The following AIM2 variants were observed in gnomAD, a reference collection of about 807,000 sequenced individuals.
AIM2 encodes interferon-inducible protein AIM2.
In AIM2, 30 loss-of-function variants were observed where a neutral mutation model predicts 27.7. The ratio of observed to expected loss-of-function variants is 1.08; its 90% CI spans 0.81 to 1.47. AIM2 has a LOEUF of 1.47. Among genes scored for constraint, AIM2 ranks in the 40% most tolerant of loss-of-function variants. The pLI, the probability that AIM2 is intolerant of heterozygous loss-of-function variation, is 0.00. For synonymous variants in AIM2, 141 were observed against 145.3 expected (o/e 0.97, Z 0.21); for missense variants, 358 against 411.3 (o/e 0.87, Z 1.12).
intron 1 of AIM2, among the ~76,000 whole-genome samples, chr1:159,129,342 T>A (rs951313976): frequency 6.6e-6 from 1 of 152,194 alleles, no homozygotes; most frequent in African/African-American, 2.4e-5. Flanking sequence ...TTTGGGGAAA[T>A]TTGTTATGGC....
At chr1:159,057,825 A>ATT (rs1655710203), downstream of AIM2, among the ~76,000 whole-genome samples, 1 of 152,236 alleles carries the variant, frequency 6.6e-6, no homozygotes, top group Non-Finnish European at 1.5e-5. Flanking sequence ...TGTTTGCAAA[A>ATT]TAGATTGTAG....
At chr1:159,070,132 G>A (rs570014605) in intron 2 of AIM2, among the ~76,000 whole-genome samples, 7 of 152,176 alleles carry the variant, frequency 4.6e-5, no homozygotes, top group Non-Finnish European at 8.8e-5. Context: ...TTTGACACAT[G>A]CTGCTGAAGA....
intron 1 of AIM2, among the ~76,000 whole-genome samples, chr1:159,074,391 T>C (rs996503383): frequency 6.6e-6 from 1 of 152,218 alleles, no homozygotes; most frequent in Non-Finnish European, 1.5e-5. Flanking sequence ...TTCATTTATT[T>C]TTCATATGAA....
At chr1:159,104,226 A>T (rs980584699) in intron 1 of AIM2, among the ~76,000 whole-genome samples, 1 of 152,124 alleles carries the variant, frequency 6.6e-6, no homozygotes, top group Non-Finnish European at 1.5e-5. Context: ...GGGCAGAGCC[A>T]CGGTGACAAG....
intron 1 of AIM2, among the ~76,000 whole-genome samples, chr1:159,094,210 A>G (rs1657118948): frequency 6.6e-6 from 1 of 152,210 alleles, no homozygotes; most frequent in Admixed American, 6.5e-5. Flanking sequence ...ATAACACTCT[A>G]TTAGGTTGGT....
intron 1 of AIM2, among the ~76,000 whole-genome samples, chr1:159,106,154 C>T (rs1237811968): frequency 1.3e-5 from 2 of 152,158 alleles, no homozygotes; most frequent in Non-Finnish European, 2.9e-5. Context: ...GGCTTCCAAA[C>T]CCCCAAGAGC....
chr1:159,129,834 C>T (rs1341857760), intron 1 of AIM2, among the ~76,000 whole-genome samples: 1 of 152,202 alleles, frequency 6.6e-6, no homozygotes, highest in Non-Finnish European at 1.5e-5. Flanking sequence ...ACATTCACTA[C>T]CATTCCCTGT....
chr1:159,112,047 A>C (rs1038668960), intron 1 of AIM2, among the ~76,000 whole-genome samples: 2 of 152,124 alleles, frequency 1.3e-5, no homozygotes, highest in Non-Finnish European at 2.9e-5. Flanking sequence ...GACTCAAAAA[A>C]TAAAGAAAAA....
upstream of AIM2, chr1:159,081,383 T>C (rs1656771452): frequency 3.1e-6 from 1 of 319,342 alleles, no homozygotes; most frequent in Non-Finnish European, 6.3e-6. Context: ...AATTGCAAAC[T>C]TTCTAAATTT....
chr1:159,145,875 A>G (rs1648192255), intron 1 of AIM2, among the ~76,000 whole-genome samples: 1 of 152,206 alleles, frequency 6.6e-6, no homozygotes, highest in Non-Finnish European at 1.5e-5. Context: ...TGGGAGGCCA[A>G]GACAGGCAGA....
At chr1:159,073,557 A>T (rs532911554) in intron 1 of AIM2, 38 bp from the exon 2 acceptor site, 1 of 1,537,926 alleles carries the variant, frequency 6.5e-7, no homozygotes, top group Non-Finnish European at 8.8e-7. Flanking sequence ...TACACCACCA[A>T]AAGTGATTCT....
upstream of AIM2, chr1:159,076,884 A>G (rs1451023982): frequency 6.6e-6 from 1 of 152,262 alleles, no homozygotes; most frequent in Non-Finnish European, 1.5e-5. Context: ...ACTAGCAGCC[A>G]CAGAAGAAAA....
chr1:159,073,229 C>T lies in AIM2; in HGVS notation c.262+9G>A, dbSNP rs1346749190. On this transcript the variant is annotated intron_variant, in intron 2 of 5. Transcript: ENST00000368130. The stretch of plus-strand genomic sequence containing the variant: ...AAGGGACGGGGCAGGTGTGGAACTC[C>T]CACATTACCTTTCTCCTTCTCCTCC... 6.2e-7 allele frequency: 1 copy of T among 1,613,768 alleles called. No individual in the cohort carries two copies. The highest frequency in any genetic ancestry group is 1.7e-5 in the Admixed American group (1 of 60,006).
At chr1:159,056,649 G>A in the AIM2 span, among the ~76,000 whole-genome samples, 1 of 134,098 alleles carries the variant, frequency 7.5e-6, no homozygotes, top group African/African-American at 2.7e-5. Context: ...GAGGGGTAAG[G>A]ACAGCTCAAA....
chr1:159,073,849 G>C (rs1656480286), intron 1 of AIM2, among the ~76,000 whole-genome samples: 2 of 152,252 alleles, frequency 1.3e-5, no homozygotes, highest in African/African-American at 4.8e-5. Context: ...GACCAGACTG[G>C]CCAATATGGC....
rs893878291 is a variant in AIM2, at chr1:159,082,033, C to CT, written c.-15-15705dup. Among the ~76,000 whole-genome samples, 3 of 152,176 alleles carry CT rather than the reference C, an allele frequency of 2.0e-5. No homozygotes were observed. In the East Asian group the frequency reaches 5.8e-4, roughly 29 times the overall value. On this transcript the variant is annotated intron_variant, in intron 1 of 2. Transcript: ENST00000368129. ...TTAGATGATTGATTTTTAGGTCTTT[C>CT]TTTTTTTCTAGCCACATGCTTTTAA...
intron 1 of AIM2, among the ~76,000 whole-genome samples, chr1:159,135,950 C>T (rs925588596): frequency 1.3e-5 from 2 of 152,156 alleles, no homozygotes; most frequent in African/African-American, 4.8e-5. Context: ...TCAAAATAGA[C>T]ACACTCGCCC....
intron 3 of AIM2, among the ~76,000 whole-genome samples, chr1:159,066,685 A>G (rs1656117745): frequency 6.6e-6 from 1 of 152,206 alleles, no homozygotes; most frequent in Admixed American, 6.5e-5. Context: ...TCCATCTTCT[A>G]TCAATTCCAT....
At chr1:159,079,310 A>G (rs1398828860), upstream of AIM2, among the ~76,000 whole-genome samples, 1 of 152,164 alleles carries the variant, frequency 6.6e-6, no homozygotes, top group East Asian at 1.9e-4. Flanking sequence ...ATAGAGTGAT[A>G]AAGCTGAAGA....
Sources: allele counts gnomAD v4.1 joint callset (sites outside exome capture counted in the v4.1 genomes callset), GRCh38; gene constraint gnomAD v4.1.1; transcripts MANE v1.5; gene names NCBI Gene and HGNC (gene_info 2026-07-23, HGNC 2026-07-21).